The following TEAD1 variants were observed in gnomAD, a reference collection of about 807,000 sequenced individuals.
TEAD1 encodes transcriptional enhancer factor TEF-1.
TEAD1 carries 9 observed loss-of-function variants against 54.9 expected under a neutral mutation model. That is an observed-to-expected ratio of 0.16 (90% CI 0.10 to 0.29). TEAD1 has a LOEUF of 0.29. Ranked by LOEUF, TEAD1 falls within the 10% of genes least tolerant of loss-of-function variation. The pLI, the probability that TEAD1 is intolerant of heterozygous loss-of-function variation, is 1.00. For synonymous variants in TEAD1, 200 were observed against 187.8 expected, an observed-to-expected ratio of 1.07 and a Z score of -0.53; for missense variants, 387 against 535.9, an observed-to-expected ratio of 0.72 and a Z score of 2.74.
At chr11:12,830,558 G>A (rs1305549034) in intron 3 of TEAD1, among the ~76,000 whole-genome samples, 1 of 152,072 alleles carries the variant, frequency 6.6e-6, no homozygotes, top group Middle Eastern at 3.2e-3. Context: ...CTCCCCACAC[G>A]ACACAGCCCA....
At chr11:12,879,179 G>T (rs1947916136) in intron 5 of TEAD1, among the ~76,000 whole-genome samples, 1 of 152,160 alleles carries the variant, frequency 6.6e-6, no homozygotes, top group African/African-American at 2.4e-5. Flanking sequence ...CTCCAGCCAG[G>T]TGTCTGCAGG....
At chr11:12,752,798 G>A (rs1408752644) in intron 2 of TEAD1, among the ~76,000 whole-genome samples, 1 of 151,200 alleles carries the variant, frequency 6.6e-6, no homozygotes, top group African/African-American at 2.4e-5. Context: ...AGTGCCTACT[G>A]CATTGGACAG....
intron 3 of TEAD1, among the ~76,000 whole-genome samples, chr11:12,782,391 A>T (rs984626752): frequency 1.2e-4 from 18 of 152,204 alleles, no homozygotes; most frequent in African/African-American, 4.3e-4. Flanking sequence ...TATACATGGA[A>T]TCATATGAAT....
At chr11:12,873,792 T>C (rs961551728) in intron 5 of TEAD1, among the ~76,000 whole-genome samples, 3 of 152,220 alleles carry the variant, frequency 2.0e-5, no homozygotes, top group African/African-American at 7.2e-5. Flanking sequence ...GGGGTATGGC[T>C]AATAATTGCA....
intron 2 of TEAD1, among the ~76,000 whole-genome samples, chr11:12,730,694 C>CT (rs71313457): frequency 0.32 from 21,347 of 65,834 alleles, 3,426 homozygotes; most frequent in African/African-American, 0.34. Context: ...CTACATAGCT[C>CT]TTTTTTTTTT....
At chr11:12,807,768 C>T (rs935398547) in intron 3 of TEAD1, among the ~76,000 whole-genome samples, 1 of 152,208 alleles carries the variant, frequency 6.6e-6, no homozygotes, top group African/African-American at 2.4e-5. Flanking sequence ...GGCCTTCTCC[C>T]GGAGTTTACC....
rs914584305 is a variant in TEAD1, at chr11:12,940,474, C to T, written c.*3252C>T. 2.0e-5 allele frequency: 3 copies of T among 152,160 alleles called. No homozygotes were observed. The highest frequency in any genetic ancestry group is 4.4e-5 in the Non-Finnish European group (3 of 68,032). 9.4% of individuals were successfully genotyped at this position (152,160 alleles called of 1,614,324 possible). A position where few individuals can be genotyped will look rare whatever the true frequency, so the allele number is the denominator to read the frequency against. The stretch of plus-strand genomic sequence containing the variant: ...AATGACCACATTTGAAATTGTTTTC[C>T]CTTTCATTTTACCCTGTGAAAGCAT... On this transcript the variant is annotated 3_prime_UTR_variant, in exon 13 of 13. Coordinates refer to ENST00000527636, the MANE Select transcript of TEAD1 (RefSeq NM_021961.6).
At chr11:12,857,101 C>T (rs769777203) in intron 3 of TEAD1, among the ~76,000 whole-genome samples, 1 of 152,216 alleles carries the variant, frequency 6.6e-6, no homozygotes, top group African/African-American at 2.4e-5. Flanking sequence ...TCTGGGATCT[C>T]TCTCTGTATT....
chr11:12,772,829 G>A (rs1206988347), intron 3 of TEAD1, among the ~76,000 whole-genome samples: 1 of 152,108 alleles, frequency 6.6e-6, no homozygotes, highest in Non-Finnish European at 1.5e-5. Flanking sequence ...GTTTGTGTGT[G>A]CGTACTAAGT....
intron 9 of TEAD1, among the ~76,000 whole-genome samples, chr11:12,894,873 C>A (rs1189587908): frequency 6.6e-6 from 1 of 152,176 alleles, no homozygotes; most frequent in Non-Finnish European, 1.5e-5. Context: ...TATGTGTTTT[C>A]CTTGCATTAT....
At chr11:12,816,014 A>G (rs1046095571) in intron 3 of TEAD1, among the ~76,000 whole-genome samples, 5 of 152,224 alleles carry the variant, frequency 3.3e-5, no homozygotes, top group Non-Finnish European at 7.3e-5. Flanking sequence ...GGTTTTCAGA[A>G]GACTGAGAAT....
intron 5 of TEAD1, among the ~76,000 whole-genome samples, chr11:12,879,063 G>A (rs1198813913): frequency 2.0e-5 from 3 of 152,150 alleles, no homozygotes; most frequent in Non-Finnish European, 4.4e-5. Flanking sequence ...GCTTCAGTAC[G>A]AACCCACGTA....
chr11:12,707,636 A>T (rs1191692006), intron 2 of TEAD1, among the ~76,000 whole-genome samples: 4 of 152,228 alleles, frequency 2.6e-5, no homozygotes, highest in Admixed American at 2.6e-4. Flanking sequence ...AGAGAGGGTG[A>T]TAGCTGATAA....
intron 3 of TEAD1, among the ~76,000 whole-genome samples, chr11:12,837,864 G>A (rs1297557873): frequency 3.5e-5 from 5 of 144,224 alleles, no homozygotes; most frequent in African/African-American, 1.1e-4. Flanking sequence ...GTGCAATGGC[G>A]CGATCTCATC....
chr11:12,787,512 G>C (rs1240117175), intron 3 of TEAD1, among the ~76,000 whole-genome samples: 1 of 152,118 alleles, frequency 6.6e-6, no homozygotes, highest in Non-Finnish European at 1.5e-5. Flanking sequence ...ATCATTTTTT[G>C]ATTGGTGTTG....
chr11:12,777,462 A>G (rs1039760865), intron 3 of TEAD1, among the ~76,000 whole-genome samples: 11 of 152,162 alleles, frequency 7.2e-5, no homozygotes, highest in Admixed American at 2.0e-4. Context: ...GAATGGTTCT[A>G]TTACAAACAC....
At chr11:12,798,754 G>A (rs1442764111) in intron 3 of TEAD1, among the ~76,000 whole-genome samples, 4 of 152,254 alleles carry the variant, frequency 2.6e-5, no homozygotes, top group Middle Eastern at 3.2e-3. Flanking sequence ...TGGTACAAAT[G>A]TTGTAAAACT....
chr11:12,917,999 G>A (rs1948745485), intron 10 of TEAD1, among the ~76,000 whole-genome samples: 1 of 152,100 alleles, frequency 6.6e-6, no homozygotes, highest in Admixed American at 6.6e-5. Flanking sequence ...TTTACTTTTA[G>A]AAAATATCCT....
chr11:12,799,523 A>G (rs1265966719), intron 3 of TEAD1, among the ~76,000 whole-genome samples: 1 of 152,190 alleles, frequency 6.6e-6, no homozygotes, highest in Non-Finnish European at 1.5e-5. Flanking sequence ...AGCGTTTTTA[A>G]CACCCACTAA....
Sources: gnomAD v4.1 joint callset for allele counts (sites outside exome capture counted in the v4.1 genomes callset) on GRCh38, gnomAD v4.1.1 for gene constraint, MANE v1.5 for transcripts, NCBI Gene and HGNC (gene_info 2026-07-23, HGNC 2026-07-21) for gene names.